Variants in FGD1 observed in about 807,000 individuals in gnomAD.
FGD1 encodes the protein FYVE, RhoGEF and PH domain containing 1.
Under a neutral mutation model 65.0 loss-of-function variants are expected in FGD1, and 12 were observed. The ratio of observed to expected loss-of-function variants is 0.18; its 90% CI spans 0.12 to 0.30. FGD1 has a LOEUF of 0.30. Among genes scored for constraint, FGD1 ranks in the 10% least tolerant of loss-of-function variants. The pLI is 1.00. For missense variants in FGD1, 542 were observed against 837.6 expected, an observed-to-expected ratio of 0.65 and a Z score of 4.36; for synonymous variants, 333 against 343.9, an observed-to-expected ratio of 0.97 and a Z score of 0.35.
chrX:54,483,536 A>G (rs1203262243), intron 1 of FGD1, among the ~76,000 whole-genome samples: 1 of 112,349 alleles, frequency 8.9e-6, no homozygotes, highest in Non-Finnish European at 1.9e-5. Flanking sequence ...CTTTCCCTGC[A>G]GGGGCCATGG....
intron 2 of FGD1, among the ~76,000 whole-genome samples, chrX:54,471,007 CAA>C (rs58297795): frequency 7.8e-4 from 36 of 46,368 alleles, no homozygotes; most frequent in African/African-American, 1.6e-3. Context: ...GATTCTGTCT[CAA>C]AAAAAAAAAA....
intron 1 of FGD1, among the ~76,000 whole-genome samples, chrX:54,473,679 C>T (rs756092077): frequency 2.7e-5 from 3 of 112,530 alleles, no homozygotes; most frequent in South Asian, 3.6e-4. Context: ...AGTAATCTGG[C>T]GATGATTTAA....
rs1557190000 is a variant in FGD1, at chrX:54,473,984, A to AT, written c.308-2498_308-2497insA. On this transcript the variant is annotated intron_variant, in intron 1 of 17. Coordinates refer to ENST00000375135, the MANE Select transcript of FGD1 (RefSeq NM_004463.3). ...GGGCGACAGAGACTCCATCTCAAAA[A>AT]AAAAATATATATATATATACAGGAA... 3.3e-3 allele frequency among the ~76,000 whole-genome samples: 337 copies of AT among 101,854 alleles called. 3 individuals are homozygous for AT. Among genetic ancestry groups the AT allele is most frequent in the East Asian group, 0.033 (108 of 3,307 alleles). The allele number at this position is 101,854 out of a possible 115,157, so 88.4% of individuals were successfully genotyped here. A position where few individuals can be genotyped will look rare whatever the true frequency, so the allele number is the denominator to read the frequency against.
At chrX:54,452,266 C>CAAAAAAAAA (rs776104292) in intron 12 of FGD1, among the ~76,000 whole-genome samples, 1 of 28,829 alleles carries the variant, frequency 3.5e-5, no homozygotes, top group African/African-American at 1.0e-4. Context: ...GACCCTATCT[C>CAAAAAAAAA]AAAAAAAAAA....
At chrX:54,476,955 G>A (rs1923032895) in intron 1 of FGD1, among the ~76,000 whole-genome samples, 1 of 111,572 alleles carries the variant, frequency 9.0e-6, no homozygotes, top group Admixed American at 9.5e-5. Context: ...CTACAGGTGT[G>A]TACCACCACA....
intron 8 of FGD1, among the ~76,000 whole-genome samples, chrX:54,461,306 A>C (rs1922622973): frequency 9.1e-6 from 1 of 110,242 alleles, no homozygotes; most frequent in Non-Finnish European, 1.9e-5. Context: ...TGGTAAATGA[A>C]AAATAGGGGT....
intron 1 of FGD1, among the ~76,000 whole-genome samples, chrX:54,487,937 G>A (rs770868168): frequency 9.3e-6 from 1 of 107,363 alleles, no homozygotes; most frequent in South Asian, 4.2e-4. Context: ...GCGACAGAGT[G>A]ACACGCCGTC....
chrX:54,477,515 C>T (rs1923046141), intron 1 of FGD1, among the ~76,000 whole-genome samples: 1 of 109,575 alleles, frequency 9.1e-6, no homozygotes, highest in African/African-American at 3.3e-5. Flanking sequence ...CTGCAACCTC[C>T]GACTCCTGGG....
At position 54,449,763 on chromosome X, in the gene FGD1, G is replaced by C; in HGVS notation, c.2047-3C>G. ...TTCAGGAGGGTGGAGTTGATGGCCT[G>C]GGGAGGAGGTGTAAGAAATGAGAAG... is the stretch of plus-strand genomic sequence containing the variant. On this transcript the variant is annotated splice_region_variant and splice_polypyrimidine_tract_variant and intron_variant, in intron 13 of 17. Coordinates refer to ENST00000375135, the MANE Select transcript of FGD1 (RefSeq NM_004463.3). 1 of 1,166,624 alleles carries C rather than the reference G, an allele frequency of 8.6e-7. No individual in the cohort carries two copies. Among genetic ancestry groups the C allele is most frequent in the Non-Finnish European group, 1.2e-6 (1 of 855,080 alleles).
At chrX:54,470,552 C>A in intron 3 of FGD1, 31 bp downstream of exon 3, 1 of 1,195,142 alleles carries the variant, frequency 8.4e-7, no homozygotes, top group Non-Finnish European at 1.1e-6. Flanking sequence ...TCCCCCTTTC[C>A]CCTAGAGGGT....
Position 54,456,571 on chromosome X carries a change from C to A in FGD1, c.1637-4G>T. ...GTGGCGATCAGCTCCAGAGACTCTA[C>A]AGGCATAGAGGGGTGAGGTCAGATG... On this transcript the variant is annotated splice_region_variant and splice_polypyrimidine_tract_variant and intron_variant, in intron 8 of 17. Transcript: ENST00000375135. 1 of 1,207,442 alleles carries A rather than the reference C, an allele frequency of 8.3e-7. No individual in the cohort carries two copies. The highest frequency in any genetic ancestry group is 1.1e-6 in the Non-Finnish European group (1 of 892,010).
chrX:54,473,552 C>T (rs779211977), intron 1 of FGD1, among the ~76,000 whole-genome samples: 6 of 111,378 alleles, frequency 5.4e-5, no homozygotes, highest in Admixed American at 1.9e-4. Context: ...GCTGATTGAT[C>T]GAAATGTTTG....
rs759888075 is a variant in FGD1 at position 54,465,581 on chromosome X, T to A, written c.1506A>T (p.Glu502Asp). 8.3e-7 allele frequency: 1 copy of A among 1,208,967 alleles called. No homozygotes were observed. The highest frequency in any genetic ancestry group is 1.1e-6 in the Non-Finnish European group (1 of 894,242). ...KVIIHEVQKE[E>D]ACGNLTLQHH... ...GCTGCAATGTCAGGTTGCCACAGGC[T>A]TCCTCCTTCTGTGACAGGCAGAAGC... Residue 502 changes from glutamate to aspartate, a missense_variant, in exon 8 of 18, where the codon GAA becomes GAT. Physicochemically the swap from Glu to Asp is conservative, Grantham distance 45. Transcript: ENST00000375135.
chrX:54,450,376 G>T, intron 12 of FGD1, 75 bp from the exon 13 acceptor site: 1 of 1,008,761 alleles, frequency 9.9e-7, no homozygotes, highest in Middle Eastern at 3.5e-4. Flanking sequence ...GGAAGAGCAG[G>T]TGTTTTGGAG....
rs1922746096 is a variant in FGD1, at chrX:54,465,767, G to A, written c.1426C>T (p.Arg476Trp). 1 of 1,211,287 alleles carries A rather than the reference G, an allele frequency of 8.3e-7. No homozygotes were observed. The highest frequency in any genetic ancestry group is 1.7e-5 in the African/African-American group (1 of 57,673). ...CAGGTGTTGACCAGCTCCACGGCCC[G>A]GTCAAAGTTCTTCACATACTCACCA... is the stretch of plus-strand genomic sequence containing the variant. ...MYGEYVKNFD[R>W]AVELVNTWTE... Residue 476 changes from arginine (R) to tryptophan (W), a missense_variant, in exon 7 of 18, where the codon CGG becomes TGG. Around this residue, in one of 6 missense-constraint regions of FGD1, gnomAD observed 41 missense variants for 109.5 expected, o/e 0.37. Coordinates refer to ENST00000375135, the MANE Select transcript of FGD1 (RefSeq NM_004463.3).
intron 12 of FGD1, among the ~76,000 whole-genome samples, chrX:54,454,246 C>CT (rs1922443495): frequency 8.9e-6 from 1 of 111,738 alleles, no homozygotes; most frequent in South Asian, 3.7e-4. Flanking sequence ...AAGGTACAGC[C>CT]TATGGCTCTT....
chrX:54,455,916 G>A (rs1922491307), intron 10 of FGD1, 132 bp from the exon 11 acceptor site: 3 of 580,941 alleles, frequency 5.2e-6, no homozygotes, highest in Non-Finnish European at 8.3e-6. Context: ...ATTGGGCACA[G>A]GGGTCACAAG....
chrX:54,475,894 C>T (rs138332042), intron 1 of FGD1, among the ~76,000 whole-genome samples: 3,264 of 111,557 alleles, frequency 0.029, 58 homozygotes, highest in Non-Finnish European at 0.044. Context: ...TGGAGAAACC[C>T]GATCTCTACT....
Position 54,466,769 on chromosome X carries a change from T to A in FGD1, c.1341-917A>T, listed in dbSNP as rs193227117. 6.8e-3 allele frequency among the ~76,000 whole-genome samples: 744 copies of A among 109,223 alleles called. 6 individuals carry two copies. Among genetic ancestry groups the A allele is most frequent in the African/African-American group, 0.023 (704 of 30,125 alleles). The allele number at this position is 109,223 out of a possible 115,157, so 94.8% of individuals were successfully genotyped here. A position where few individuals can be genotyped will look rare whatever the true frequency, so the allele number is the denominator to read the frequency against. On this transcript the variant is annotated intron_variant, in intron 6 of 17. Coordinates refer to ENST00000375135, the MANE Select transcript of FGD1 (RefSeq NM_004463.3). ...TTTGTTTGTTTGTTTTTTTTTTTTT[T>A]GAGAGAGTCTTGCTCTGTTGCCCAG...
Sources: allele counts gnomAD v4.1 joint callset (sites outside exome capture counted in the v4.1 genomes callset), GRCh38; gene constraint gnomAD v4.1.1; regional missense constraint gnomAD v4.1.1; transcripts MANE v1.5; gene names NCBI Gene and HGNC (gene_info 2026-07-23, HGNC 2026-07-21).